Variants in PHACTR3 observed in about 807,000 individuals in gnomAD.
PHACTR3 encodes protein phosphatase 1, regulatory subunit 123.
Under a neutral mutation model 66.8 loss-of-function variants are expected in PHACTR3, and 16 were observed. The ratio of observed to expected loss-of-function variants is 0.24; its 90% confidence interval spans 0.16 to 0.36. PHACTR3 has a LOEUF of 0.36. Among genes scored for constraint, PHACTR3 ranks in the 10% least tolerant of loss-of-function variants. The probability of loss-of-function intolerance (pLI) is 1.00; values close to 1 mark genes in which losing one functional copy is unlikely to be tolerated. For missense variants in PHACTR3, 647 were observed against 719.9 expected (o/e 0.90, Z 1.16); for synonymous variants, 323 against 292.1 (o/e 1.11, Z -1.08).
chr20:59,821,639 G>A (rs2042030583), intron 8 of PHACTR3, among the ~76,000 whole-genome samples: 1 of 152,152 alleles, frequency 6.6e-6, no homozygotes, highest in Non-Finnish European at 1.5e-5. Flanking sequence ...GCTGCTTTAG[G>A]TGTTCAAGTT....
At position 59,594,454 on chromosome 20, in the gene PHACTR3, T is replaced by C. The variant is rs118182384; in HGVS notation, c.109+16837T>C. Among the ~76,000 whole-genome samples the C allele has an allele frequency of 7.0e-4, 107 of 152,322 alleles. 2 individuals carry two copies. The East Asian group carries it at 0.014, about 20-fold the overall frequency. ...TTTTCCTTTTCCTGTCTTATGGCAT[T>C]AGTTGAACTTGAACAATGTTGAACA... is the stretch of plus-strand genomic sequence containing the variant. On this transcript the variant is annotated intron_variant, in intron 1 of 12. Coordinates refer to the PHACTR3 transcript ENST00000359926.
intron 7 of PHACTR3, among the ~76,000 whole-genome samples, chr20:59,804,847 C>G (rs141542215): frequency 5.1e-4 from 78 of 152,332 alleles, no homozygotes; most frequent in African/African-American, 1.8e-3. Context: ...TTCTTGCTTT[C>G]TATTCCCGCC....
chr20:59,591,610 C>G (rs925691822), intron 1 of PHACTR3, among the ~76,000 whole-genome samples: 13 of 152,020 alleles, frequency 8.6e-5, no homozygotes, highest in Non-Finnish European at 1.5e-4. Context: ...CTTCTTTTTC[C>G]CACAGTGCAG....
At chr20:59,728,042 A>G (rs1201062713) in intron 1 of PHACTR3, among the ~76,000 whole-genome samples, 5 of 152,214 alleles carry the variant, frequency 3.3e-5, no homozygotes, top group Admixed American at 3.3e-4. Flanking sequence ...TTCATATAGC[A>G]CAAAATTAAC....
chr20:59,604,609 T>A lies in PHACTR3; in HGVS notation c.-406T>A. On this transcript the variant is annotated 5_prime_UTR_variant, in exon 1 of 13. Transcript: ENST00000371015. ...TTTCCTGGGGGGGTGGGGGGTGGGGTGGGGGGAGGGAGCGCCCCCAGACAT... is the reference window on the plus strand; with the variant it reads ...TTTCCTGGGGGGGTGGGGGGTGGGGAGGGGGGAGGGAGCGCCCCCAGACAT... 1 of 111,168 alleles carries A rather than the reference T, an allele frequency of 9.0e-6. No homozygotes were observed. The allele number at this position is 111,168 out of a possible 1,614,324, so 6.9% of individuals were successfully genotyped here.
At chr20:59,814,902 G>A (rs928113305) in intron 8 of PHACTR3, among the ~76,000 whole-genome samples, 3 of 152,104 alleles carry the variant, frequency 2.0e-5, no homozygotes, top group Non-Finnish European at 4.4e-5. Flanking sequence ...GGGGTTTTAG[G>A]TTGGGTACAT....
intron 4 of PHACTR3, among the ~76,000 whole-genome samples, chr20:59,763,246 C>A (rs978757479): frequency 6.6e-6 from 1 of 152,362 alleles, no homozygotes; most frequent in East Asian, 1.9e-4. Flanking sequence ...AAGGTGCTTA[C>A]TTCTCCTTTG....
chr20:59,786,271 G>T (rs1568821304), intron 7 of PHACTR3, among the ~76,000 whole-genome samples: 1 of 152,202 alleles, frequency 6.6e-6, no homozygotes, highest in South Asian at 2.1e-4. Context: ...TGCCCACTTG[G>T]GTCCCAGTCT....
chr20:59,824,629 G>A lies in PHACTR3; in HGVS notation c.1329-11876G>A, dbSNP rs916645761. Reference sequence around the variant, plus strand: ...TTGGCTATAATGAACATCCTCATACGTGTGTCTGTAAGAGGCCCATGTGGA... The same window carrying A: ...TTGGCTATAATGAACATCCTCATACATGTGTCTGTAAGAGGCCCATGTGGA... On this transcript the variant is annotated intron_variant, in intron 8 of 12. Coordinates refer to ENST00000371015, the MANE Select transcript of PHACTR3 (RefSeq NM_080672.5). Among the ~76,000 whole-genome samples the A allele has an allele frequency of 5.3e-5, 8 of 152,154 alleles. 1 individual carries two copies. The highest frequency in any genetic ancestry group is 1.3e-4 in the Admixed American group (2 of 15,284).
rs530682050 is a variant in PHACTR3, at chr20:59,675,305, C to G, written c.119-67802C>G. Among the ~76,000 whole-genome samples the G allele has an allele frequency of 2.0e-3, 301 of 151,966 alleles. 1 individual carries two copies. Among genetic ancestry groups the G allele is most frequent in the Middle Eastern group, 3.4e-3 (1 of 294 alleles). Reference sequence around the variant, plus strand: ...TCACACCATCCCTGGGGAAGGGTACCCCATTGTACAGGTGGGTACACAGAA... The same window carrying G: ...TCACACCATCCCTGGGGAAGGGTACGCCATTGTACAGGTGGGTACACAGAA... On this transcript the variant is annotated intron_variant, in intron 1 of 12. Coordinates refer to ENST00000371015, the MANE Select transcript of PHACTR3 (RefSeq NM_080672.5).
chr20:59,583,061 C>A (rs1461323467), intron 1 of PHACTR3, among the ~76,000 whole-genome samples: 1 of 152,136 alleles, frequency 6.6e-6, no homozygotes, highest in African/African-American at 2.4e-5. Flanking sequence ...CTGAGAAGTC[C>A]TCAGCCGGGG....
chr20:59,748,005 T>C (rs182810206), intron 3 of PHACTR3, among the ~76,000 whole-genome samples, 170 bp downstream of exon 3: 6 of 152,266 alleles, frequency 3.9e-5, no homozygotes, highest in Admixed American at 3.3e-4. Context: ...AGCCATTCCA[T>C]TGGTCCAGCC....
chr20:59,774,396 G>A lies in PHACTR3; in HGVS notation c.1080G>A (p.Glu360=), dbSNP rs6070939. The A allele has an allele frequency of 6.4e-4, 1,031 of 1,614,160 alleles. 1 individual carries two copies. Among genetic ancestry groups the A allele is most frequent in the Non-Finnish European group, 7.8e-4 (926 of 1,180,022 alleles). ...ENKRTAAKES[E]ENKENLIINS... ...AGCGAACTGCCGCTAAGGAATCTGA[G>A]GAGAACAAGGAGAACCTGATCATAA... Residue 360 remains glutamate, a synonymous_variant, in exon 7 of 13, where the codon GAG becomes GAA. Transcript: ENST00000371015.
intron 1 of PHACTR3, among the ~76,000 whole-genome samples, chr20:59,593,601 G>T (rs1432190682): frequency 6.6e-6 from 1 of 151,824 alleles, no homozygotes. Flanking sequence ...CTTTTCTCCT[G>T]TGTTATCTTC....
intron 9 of PHACTR3, 94 bp from the exon 10 acceptor site, chr20:59,840,275 A>T (rs1323454797): frequency 2.0e-6 from 3 of 1,502,590 alleles, no homozygotes; most frequent in Non-Finnish European, 2.7e-6. Context: ...TCCCAGAAAT[A>T]TGGATATCTT....
At chr20:59,793,611 T>A (rs1221867910) in intron 7 of PHACTR3, among the ~76,000 whole-genome samples, 1 of 152,186 alleles carries the variant, frequency 6.6e-6, no homozygotes, top group African/African-American at 2.4e-5. Context: ...CAGTAGGGAT[T>A]TTTGTATGTT....
Position 59,738,704 on chromosome 20 carries a change from G to C in PHACTR3, c.119-4403G>C, listed in dbSNP as rs1168726376. Among the ~76,000 whole-genome samples the C allele has an allele frequency of 6.6e-6, 1 of 152,114 alleles. No individual in the cohort carries two copies. The highest frequency in any genetic ancestry group is 2.4e-5 in the African/African-American group (1 of 41,440). The stretch of plus-strand genomic sequence containing the variant: ...CCCTCAGCAGACCCTGATTCCTCCA[G>C]ATCCTTCCTGACACTCCCTTCATCC... On this transcript the variant is annotated intron_variant, in intron 1 of 12. Coordinates refer to ENST00000371015, the MANE Select transcript of PHACTR3 (RefSeq NM_080672.5). The surrounding 1 kb of genome is among the most constrained non-coding windows in gnomAD (Gnocchi z 4.4).
chr20:59,604,793 G>C lies in PHACTR3; in HGVS notation c.-222G>C. ...AGCGAGGCCGCGCACGCCGGGATGC[G>C]CCTGGCTGCAGCCGGCGAGGCTATT... On this transcript the variant is annotated 5_prime_UTR_variant, in exon 1 of 13. Transcript: ENST00000371015. 1 of 1,199,168 alleles carries C rather than the reference G, an allele frequency of 8.3e-7. No individual in the cohort carries two copies. Among genetic ancestry groups the C allele is most frequent in the Non-Finnish European group, 1.0e-6 (1 of 969,658 alleles). 74.3% of individuals were successfully genotyped at this position (1,199,168 alleles called of 1,614,324 possible). A position where few individuals can be genotyped will look rare whatever the true frequency, so the allele number is the denominator to read the frequency against.
At chr20:59,842,052 T>C (rs2059072996) in intron 11 of PHACTR3, among the ~76,000 whole-genome samples, 1 of 152,188 alleles carries the variant, frequency 6.6e-6, no homozygotes. Flanking sequence ...CCTGGACTTG[T>C]GCAGTTTGAG....
Sources: gnomAD v4.1 joint callset for allele counts (sites outside exome capture counted in the v4.1 genomes callset) on GRCh38, gnomAD v4.1.1 for gene constraint, Gnocchi (gnomAD v3.1) non-coding constraint, MANE v1.5 for transcripts, NCBI Gene and HGNC (gene_info 2026-07-23, HGNC 2026-07-21) for gene names.